The following CSMD3 variants were observed in gnomAD, a reference collection of about 807,000 sequenced individuals.
CSMD3 encodes the protein CUB and Sushi multiple domains 3, also known as CUB and sushi domain-containing protein 3.
Under a neutral mutation model 435.2 loss-of-function variants are expected in CSMD3, and 177 were observed. The ratio of observed to expected loss-of-function variants is 0.41; its 90% CI spans 0.36 to 0.46. The LOEUF is 0.46. Ranked by LOEUF, CSMD3 falls within the 20% of genes least tolerant of loss-of-function variation. CSMD3 has a pLI of 0.34. For missense variants in CSMD3, 4,265 were observed against 4,504.6 expected (o/e 0.95, Z 1.52); for synonymous variants, 1,656 against 1,520.5 (o/e 1.09, Z -2.07).
intron 5 of CSMD3, among the ~76,000 whole-genome samples, chr8:113,086,165 A>C (rs28429475): frequency 0.67 from 101,344 of 150,788 alleles, 35,620 homozygotes; most frequent in East Asian, 0.95. Flanking sequence ...AGGAGAATGG[A>C]GTGTACCTGG....
intron 11 of CSMD3, among the ~76,000 whole-genome samples, chr8:112,832,225 T>C (rs2079896778): frequency 6.6e-6 from 1 of 152,172 alleles, no homozygotes; most frequent in Admixed American, 6.6e-5. Context: ...AATTCTAAGA[T>C]GTCTTCCAAT....
intron 4 of CSMD3, among the ~76,000 whole-genome samples, chr8:113,143,665 C>T (rs28838615): frequency 0.12 from 17,757 of 151,180 alleles, 1,904 homozygotes; most frequent in African/African-American, 0.29. Flanking sequence ...GCATGCATCC[C>T]CAGGGAATTA....
chr8:112,605,962 C>A (rs1220455363), intron 22 of CSMD3, among the ~76,000 whole-genome samples: 1 of 152,088 alleles, frequency 6.6e-6, no homozygotes, highest in Non-Finnish European at 1.5e-5. Context: ...TGGCTCTGTA[C>A]CTTACACTTA....
intron 27 of CSMD3, among the ~76,000 whole-genome samples, chr8:112,533,676 G>C (rs541781005): frequency 3.3e-5 from 5 of 151,922 alleles, no homozygotes; most frequent in East Asian, 1.9e-4. Context: ...AATAGTGGGG[G>C]ACTTCAACAC....
intron 13 of CSMD3, among the ~76,000 whole-genome samples, chr8:112,756,083 G>A (rs757697032): frequency 4.0e-4 from 61 of 151,984 alleles, no homozygotes; most frequent in Non-Finnish European, 5.6e-4. Context: ...CTAAAGACGT[G>A]GGGATTAGAA....
intron 28 of CSMD3, among the ~76,000 whole-genome samples, chr8:112,509,606 T>C (rs1009613031): frequency 6.6e-6 from 1 of 152,166 alleles, no homozygotes; most frequent in Admixed American, 6.5e-5. Context: ...AAATTCACCA[T>C]CCTAGTTTCT....
intron 16 of CSMD3, among the ~76,000 whole-genome samples, chr8:112,669,639 C>T (rs1156601771): frequency 6.6e-6 from 1 of 152,014 alleles, no homozygotes; most frequent in African/African-American, 2.4e-5. Context: ...AAAAGGGGAC[C>T]AAGGCCATAA....
intron 38 of CSMD3, among the ~76,000 whole-genome samples, chr8:112,361,282 A>T (rs763488459): frequency 6.6e-5 from 10 of 151,752 alleles, no homozygotes; most frequent in Non-Finnish European, 1.5e-4. Context: ...TGTAGCCAAA[A>T]AAAAGAAAAA....
chr8:113,236,497 T>C (rs1355619108), intron 3 of CSMD3, among the ~76,000 whole-genome samples: 1 of 152,092 alleles, frequency 6.6e-6, no homozygotes, highest in Non-Finnish European at 1.5e-5. Context: ...CAATTTCCAC[T>C]CTATAGTGCT....
intron 9 of CSMD3, among the ~76,000 whole-genome samples, chr8:112,928,146 C>T (rs566503058): frequency 1.3e-5 from 2 of 152,092 alleles, no homozygotes; most frequent in South Asian, 4.2e-4. Flanking sequence ...AAACAGTATA[C>T]TCAAAAATAG....
chr8:112,888,346 C>T (rs1290542726), intron 10 of CSMD3, among the ~76,000 whole-genome samples: 1 of 151,600 alleles, frequency 6.6e-6, no homozygotes, highest in Non-Finnish European at 1.5e-5. Context: ...TAGGATCTGG[C>T]TAACGTAGGC....
chr8:112,505,887 CA>C (rs1269207053), intron 29 of CSMD3, among the ~76,000 whole-genome samples: 2 of 152,012 alleles, frequency 1.3e-5, no homozygotes, highest in Non-Finnish European at 2.9e-5. Flanking sequence ...AGCTAGAAAT[CA>C]AATTTAGGTC....
intron 13 of CSMD3, among the ~76,000 whole-genome samples, chr8:112,747,962 CAAAAAA>C (rs71309788): frequency 0.38 from 36,773 of 96,726 alleles, 5,486 homozygotes; most frequent in African/African-American, 0.54. Flanking sequence ...GACTCCGTCT[CAAAAAA>C]AAAAAAAAAA....
chr8:113,322,908 G>C (rs1219832698), intron 1 of CSMD3, among the ~76,000 whole-genome samples: 1 of 151,962 alleles, frequency 6.6e-6, no homozygotes, highest in African/African-American at 2.4e-5. Flanking sequence ...ACCATGCCCG[G>C]CTAATTTTTG....
At chr8:112,911,980 C>T (rs1429735255) in intron 10 of CSMD3, among the ~76,000 whole-genome samples, 1 of 148,980 alleles carries the variant, frequency 6.7e-6, no homozygotes, top group East Asian at 2.0e-4. Flanking sequence ...TGCTTTTATA[C>T]CTTCCTTTCC....
At chr8:112,406,858 A>T (rs1337201485) in intron 34 of CSMD3, 131 bp from the exon 35 acceptor site, 3 of 486,726 alleles carry the variant, frequency 6.2e-6, no homozygotes, top group Non-Finnish European at 7.1e-6. Context: ...ATTTGAATAC[A>T]TTCTTAAAGT....
chr8:113,347,129 A>AATAT (rs2094156996), intron 1 of CSMD3, among the ~76,000 whole-genome samples: 1 of 152,102 alleles, frequency 6.6e-6, no homozygotes, highest in Admixed American at 6.6e-5. Context: ...TAAATAAATA[A>AATAT]ATCTTTGCAA....
intron 22 of CSMD3, among the ~76,000 whole-genome samples, chr8:112,635,631 G>A (rs1230349481): frequency 1.3e-5 from 2 of 151,880 alleles, no homozygotes; most frequent in Non-Finnish European, 2.9e-5. Flanking sequence ...AAAAATCTGT[G>A]ATTTTTAAAG....
intron 22 of CSMD3, among the ~76,000 whole-genome samples, chr8:112,604,896 G>A (rs1832672005): frequency 6.6e-6 from 1 of 151,556 alleles, no homozygotes; most frequent in Admixed American, 6.6e-5. Context: ...TCTGACAAAG[G>A]TCTAATATCC....
Sources: gnomAD v4.1 joint callset for allele counts (sites outside exome capture counted in the v4.1 genomes callset) on GRCh38, gnomAD v4.1.1 for gene constraint, MANE v1.5 for transcripts, NCBI Gene and HGNC (gene_info 2026-07-23, HGNC 2026-07-21) for gene names.